MUC4: variants seen among roughly 807,000 people sequenced by gnomAD.
MUC4 encodes mucin 4, cell surface associated.
In MUC4, 202 loss-of-function variants were observed where a neutral mutation model predicts 257.9. That is an observed-to-expected ratio of 0.78 (90% confidence interval 0.70 to 0.88). The LOEUF (loss-of-function observed/expected upper bound fraction) is 0.88, where lower values mean the gene tolerates loss of function less well. Ranked by LOEUF, MUC4 falls within the 40% of genes least tolerant of loss-of-function variation. The pLI is 0.00. For missense variants in MUC4, 5,976 were observed against 6,513.7 expected (o/e 0.92, Z 2.84); for synonymous variants, 2,351 against 2,757.1 (o/e 0.85, Z 4.62).
At position 195,785,723 on chromosome 3, in the gene MUC4, G is replaced by T. The variant is rs1560368795; in HGVS notation, c.5857C>A (p.Leu1953Ile). ...ACTGAGGAAGCGTCGGTGACAGGAA[G>T]AGGGGTGGTGTGACCTGAGGATGCT... ...SSASSGHTTP[L>I]PVTDASSVPT... The change falls in exon 2 of 25, where the codon CTT becomes ATT. Residue 1953 changes from leucine (L) to isoleucine (I), a missense_variant. Coordinates refer to ENST00000463781, the MANE Select transcript of MUC4 (RefSeq NM_018406.7). 3 of 1,382,040 alleles carry T rather than the reference G, an allele frequency of 2.2e-6. No homozygotes were observed. The highest frequency in any genetic ancestry group is 2.9e-6 in the Non-Finnish European group (3 of 1,025,534). The allele number at this position is 1,382,040 out of a possible 1,614,324, so 85.6% of individuals were successfully genotyped here.
rs375557990 is a variant in MUC4 at position 195,770,168 on chromosome 3, T to A, written c.13398+48A>T. ...GTGGCCCCTGCCTAGGATTCTAGGA[T>A]GTCTGACTCCCAGATAGCTCCTGGG... On this transcript the variant is annotated intron_variant, in intron 6 of 24. Transcript: ENST00000463781. The A allele has an allele frequency of 3.4e-4, 512 of 1,485,502 alleles. 1 individual carries two copies. Among genetic ancestry groups the A allele is most frequent in the Non-Finnish European group, 4.3e-4 (477 of 1,115,818 alleles). The allele number at this position is 1,485,502 out of a possible 1,614,324, so 92.0% of individuals were successfully genotyped here.
chr3:195,795,851 G>GT (rs143289110), intron 1 of MUC4, among the ~76,000 whole-genome samples: 5 of 126,904 alleles, frequency 3.9e-5, no homozygotes, highest in African/African-American at 1.0e-4. Context: ...GGGGGAGGGG[G>GT]GTGGGAGGAG....
chr3:195,789,233 C>T lies in MUC4; in HGVS notation c.2347G>A (p.Gly783Arg), dbSNP rs757054538. 15 of 1,613,746 alleles carry T rather than the reference C, an allele frequency of 9.3e-6. No individual in the cohort carries two copies. The highest frequency in any genetic ancestry group is 1.3e-5 in the Non-Finnish European group (15 of 1,179,852). The change falls in exon 2 of 25, where the codon GGA (glycine) becomes AGA (arginine). Residue 783 changes from glycine to arginine, a missense_variant. Coordinates refer to ENST00000463781, the MANE Select transcript of MUC4 (RefSeq NM_018406.7). ...GCCGGTTCGCTGGTCTGTGTTTGTCCAGAGGCCTCTGTGCTCTCAGCCTGG... is the reference window on the plus strand; with the variant it reads ...GCCGGTTCGCTGGTCTGTGTTTGTCTAGAGGCCTCTGTGCTCTCAGCCTGG... ...THQAESTEAS[G>R]QTQTSEPASS...
At position 195,767,711 on chromosome 3, in the gene MUC4, TCGGCCACCACCACCATCACCACCACCATC is replaced by T. The variant is rs1721434997; in HGVS notation, c.13530-989_13530-961del. Among the ~76,000 whole-genome samples, 3 of 1,110 alleles carry T rather than the reference TCGGCCACCACCACCATCACCACCACCATC, an allele frequency of 2.7e-3. 1 individual carries two copies. The South Asian group carries it at 0.1, about 37-fold the overall frequency. 0.7% of individuals were successfully genotyped at this position (1,110 alleles called of 152,430 possible). A position where few individuals can be genotyped will look rare whatever the true frequency, so the allele number is the denominator to read the frequency against. Reference sequence around the variant, plus strand: ...GGCCACCCCCCAAAAAATACCACCATCGGCCACCACCACCATCACCACCACCATCACCATCGCCACCACCACCATCACCA... The same window carrying T: ...GGCCACCCCCCAAAAAATACCACCATACCATCGCCACCACCACCATCACCA... On this transcript the variant is annotated intron_variant, in intron 7 of 24. Coordinates refer to ENST00000463781, the MANE Select transcript of MUC4 (RefSeq NM_018406.7).
At chr3:195,767,760 TCACCACCACCAC>T (rs1215680197) in intron 7 of MUC4, among the ~76,000 whole-genome samples, 1 of 29,528 alleles carries the variant, frequency 3.4e-5, no homozygotes, top group Non-Finnish European at 6.8e-5. Context: ...ACCACCACCA[TCACCACCACCAC>T]CACCATCACC....
chr3:195,771,789 G>A lies in MUC4; in HGVS notation c.13105C>T (p.Pro4369Ser). 6.2e-7 allele frequency: 1 copy of A among 1,613,952 alleles called. No homozygotes were observed. The highest frequency in any genetic ancestry group is 8.5e-7 in the Non-Finnish European group (1 of 1,179,860). ...GAGAAAATCTGGTAGTCTGACTCTG[G>A]GAAGATGATCTGGCCATTGTCTGTG... ...YFTDNGQIIF[P>S]ESDYQIFSYP... The change falls in exon 5 of 25, where the codon CCA (proline) becomes TCA (serine). Residue 4369 changes from proline to serine, a missense_variant. By Grantham distance (74) the Pro-to-Ser change is moderately conservative. This residue lies in a region of MUC4 where 996 missense variants were observed against 1,137.3 expected (regional missense o/e 0.88). Coordinates refer to ENST00000463781, the MANE Select transcript of MUC4 (RefSeq NM_018406.7).
chr3:195,780,706 G>C lies in MUC4; in HGVS notation c.10874C>G (p.Ala3625Gly). The change falls in exon 2 of 25, where the codon GCA becomes GGA. Residue 3625 changes from alanine (A) to glycine (G), a missense_variant. This residue lies in a region of MUC4 where 59 missense variants were observed against 149.8 expected (regional missense o/e 0.39). Transcript: ENST00000463781. Reference sequence around the variant, plus strand: ...AAGAGGGGTGGCCTGACCTGTGGATGCTGAGGAAGTGTCCGTGACAGGAAG... The same window carrying C: ...AAGAGGGGTGGCCTGACCTGTGGATCCTGAGGAAGTGTCCGTGACAGGAAG... ...TRLPVTDTSS[A>G]STGQATPLPV... The C allele has an allele frequency of 6.7e-7, 1 of 1,494,568 alleles. No homozygotes were observed. The highest frequency in any genetic ancestry group is 8.8e-7 in the Non-Finnish European group (1 of 1,130,970). The allele number at this position is 1,494,568 out of a possible 1,614,324, so 92.6% of individuals were successfully genotyped here. A position where few individuals can be genotyped will look rare whatever the true frequency, so the allele number is the denominator to read the frequency against.
In MUC4 at chr3:195,788,697, C is replaced by A. The variant is rs62282504; in HGVS notation, c.2883G>T (p.Gly961=). The A allele has an allele frequency of 1.9e-6, 3 of 1,607,546 alleles. No individual in the cohort carries two copies. Among genetic ancestry groups the A allele is most frequent in the South Asian group, 2.2e-5 (2 of 90,912 alleles). The change falls in exon 2 of 25, where the codon GGG becomes GGT. Residue 961 remains glycine (G), a synonymous_variant. Transcript: ENST00000463781. ...GGGCCGTGGTGAAGGTTTTACCAGACCCTGAAGGTGACAGAGTGTGGGTCT... is the reference window on the plus strand; with the variant it reads ...GGGCCGTGGTGAAGGTTTTACCAGAACCTGAAGGTGACAGAGTGTGGGTCT... The part of the protein sequence containing the change: ...QTETHTLSPS[G]SGKTFTTALI...
At chr3:195,794,804 C>T (rs1240455787) in intron 1 of MUC4, among the ~76,000 whole-genome samples, 1 of 152,208 alleles carries the variant, frequency 6.6e-6, no homozygotes, top group Non-Finnish European at 1.5e-5. Flanking sequence ...GTAACTTAGA[C>T]TCTCAAGTGA....
chr3:195,748,331 A>G (rs1364319656), intron 24 of MUC4, among the ~76,000 whole-genome samples: 1 of 152,284 alleles, frequency 6.6e-6, no homozygotes, highest in Non-Finnish European at 1.5e-5. Flanking sequence ...TGGGAGGCCA[A>G]GGTGGACGGA....
chr3:195,772,530 T>C (rs775669224), intron 4 of MUC4, among the ~76,000 whole-genome samples: 47 of 56,430 alleles, frequency 8.3e-4, no homozygotes, highest in African/African-American at 1.9e-3. Flanking sequence ...CACCCTCCCT[T>C]CATCGCTCAG....
chr3:195,763,095 G>T, intron 12 of MUC4, 150 bp from the exon 13 acceptor site: 1 of 692,556 alleles, frequency 1.4e-6, no homozygotes, highest in Non-Finnish European at 2.4e-6. Context: ...GCCAGCCGCC[G>T]TCTACCGTGT....
At chr3:195,753,314 G>C in intron 19 of MUC4, 84 bp from the exon 20 acceptor site, 1 of 1,396,342 alleles carries the variant, frequency 7.2e-7, no homozygotes, top group African/African-American at 1.4e-5. Context: ...TCCGGGACAG[G>C]CTTGCTTTCC....
At chr3:195,775,635 C>A (rs1281440298) in intron 3 of MUC4, among the ~76,000 whole-genome samples, 2 of 64,920 alleles carry the variant, frequency 3.1e-5, no homozygotes, top group Non-Finnish European at 2.8e-5. Context: ...CCTTCCACAC[C>A]CATACCTTCC....
chr3:195,748,959 C>A lies in MUC4; in HGVS notation c.15977G>T (p.Arg5326Met), dbSNP rs772351851. The change falls in exon 24 of 25, where the codon AGG becomes ATG. Residue 5326 changes from arginine (R) to methionine (M), a missense_variant. Physicochemically the swap from Arg to Met is moderately conservative, Grantham distance 91. Around this residue, in one of 44 missense-constraint regions of MUC4, gnomAD observed 310 missense variants for 242.1 expected, o/e 1.28. Transcript: ENST00000463781. ...CTGGCCTCCATGGTCACAGTAGCCC[C>A]TACTGCACGGGGACACGCAGGTGAA... ...SGFTCVSPCS[R>M]GYCDHGGQCQ... 51 of 1,607,700 alleles carry A rather than the reference C, an allele frequency of 3.2e-5. No homozygotes were observed. Among genetic ancestry groups the A allele is most frequent in the Non-Finnish European group, 4.2e-5 (49 of 1,177,194 alleles).
At position 195,781,319 on chromosome 3, in the gene MUC4, G is replaced by A. The variant is rs201771865; in HGVS notation, c.10261C>T (p.His3421Tyr). The A allele has an allele frequency of 1.4e-6, 2 of 1,408,466 alleles. No individual in the cohort carries two copies. The highest frequency in any genetic ancestry group is 3.1e-5 in the African/African-American group (2 of 65,494). 87.2% of individuals were successfully genotyped at this position (1,408,466 alleles called of 1,614,324 possible). ...VTSPSSASTGHATPLPVTSTS... is the reference protein window; with the variant it reads ...VTSPSSASTGYATPLPVTSTS... ...CTGGTGACAGGAAGAGGGGTGGCGT[G>A]ACCTGTGGATGCTGAGGAAGGGCTA... Residue 3421 changes from histidine (H) to tyrosine (Y), a missense_variant, in exon 2 of 25, where the codon CAC becomes TAC. His to Tyr is a moderately conservative substitution (Grantham distance 83). This residue lies in a region of MUC4 where 297 missense variants were observed against 240.9 expected (regional missense o/e 1.23). Coordinates refer to ENST00000463781, the MANE Select transcript of MUC4 (RefSeq NM_018406.7).
chr3:195,799,229 CTGTGTGTGTGTGTGTG>C (rs56897401), intron 1 of MUC4, among the ~76,000 whole-genome samples: 3 of 120,090 alleles, frequency 2.5e-5, no homozygotes, highest in African/African-American at 7.9e-5. Flanking sequence ...ATGTGTGACA[CTGTGTGTGTGTGTGTG>C]TGTGTGTGTG....
In MUC4 at chr3:195,791,316, A is replaced by C. The variant is rs999445758; in HGVS notation, c.264T>G (p.Ala88=). The change falls in exon 2 of 25, where the codon GCT becomes GCG. Residue 88 remains alanine, a synonymous_variant. Coordinates refer to ENST00000463781, the MANE Select transcript of MUC4 (RefSeq NM_018406.7). ...QTKSTETTSK[A]QTDTLTQMMT... is the part of the protein sequence containing the mutation. Reference sequence around the variant, plus strand: ...TCATCTGCGTGAGGGTGTCGGTTTGAGCTTTGCTGGTGGTCTCCGTGCTCT... The same window carrying C: ...TCATCTGCGTGAGGGTGTCGGTTTGCGCTTTGCTGGTGGTCTCCGTGCTCT... 1.2e-6 allele frequency: 2 copies of C among 1,613,764 alleles called. No homozygotes were observed. Among genetic ancestry groups the C allele is most frequent in the Non-Finnish European group, 1.7e-6 (2 of 1,179,846 alleles).
intron 1 of MUC4, among the ~76,000 whole-genome samples, chr3:195,797,786 C>G (rs985098998): frequency 6.6e-6 from 1 of 152,026 alleles, no homozygotes; most frequent in Non-Finnish European, 1.5e-5. Context: ...TAGCAAAGTT[C>G]TATATCCATA....
Sources: gnomAD v4.1 joint callset for allele counts (sites outside exome capture counted in the v4.1 genomes callset) on GRCh38, gnomAD v4.1.1 for gene constraint, gnomAD v4.1.1 regional missense constraint, MANE v1.5 for transcripts, NCBI Gene and HGNC (gene_info 2026-07-23, HGNC 2026-07-21) for gene names.